Variants in EGFLAM observed in about 807,000 individuals in gnomAD.
EGFLAM encodes pikachurin.
EGFLAM carries 79 observed loss-of-function variants against 113.1 expected under a neutral mutation model. That is an observed-to-expected ratio of 0.70 (90% CI 0.58 to 0.84). The LOEUF is 0.84. Ranked by LOEUF, EGFLAM falls within the 40% of genes least tolerant of loss-of-function variation. EGFLAM has a pLI of 0.00. For missense variants in EGFLAM, 1,265 were observed against 1,291.6 expected, an observed-to-expected ratio of 0.98 and a Z score of 0.32; for synonymous variants, 504 against 487.6, an observed-to-expected ratio of 1.03 and a Z score of -0.44.
At chr5:38,281,612 C>G (rs965688111) in intron 1 of EGFLAM, among the ~76,000 whole-genome samples, 5 of 152,120 alleles carry the variant, frequency 3.3e-5, no homozygotes, top group Admixed American at 3.3e-4. Context: ...AGCCATATGT[C>G]TTTTGTGGAA....
At chr5:38,300,636 A>C (rs916533997) in intron 1 of EGFLAM, among the ~76,000 whole-genome samples, 27 of 152,186 alleles carry the variant, frequency 1.8e-4, no homozygotes, top group Non-Finnish European at 2.9e-5. Context: ...TGGCTTCCCA[A>C]AATGCTGGGA....
chr5:38,462,284 C>G (rs1743307766), intron 20 of EGFLAM, among the ~76,000 whole-genome samples: 1 of 152,176 alleles, frequency 6.6e-6, no homozygotes, highest in Non-Finnish European at 1.5e-5. Context: ...TCCCAGCTCC[C>G]CATGGCTTCC....
intron 6 of EGFLAM, among the ~76,000 whole-genome samples, chr5:38,387,833 A>G (rs2112079464): frequency 6.6e-6 from 1 of 152,368 alleles, no homozygotes; most frequent in East Asian, 1.9e-4. Context: ...CTCCTGTCAC[A>G]GGCTGTCTAT....
chr5:38,460,605 G>A (rs1055448795), intron 20 of EGFLAM, among the ~76,000 whole-genome samples: 1 of 152,180 alleles, frequency 6.6e-6, no homozygotes, highest in African/African-American at 2.4e-5. Flanking sequence ...GGATACCTCT[G>A]CTGGTGGGTC....
At chr5:38,392,581 A>T (rs1270560858) in intron 6 of EGFLAM, among the ~76,000 whole-genome samples, 1 of 149,328 alleles carries the variant, frequency 6.7e-6, no homozygotes, top group African/African-American at 2.5e-5. Flanking sequence ...CCAACAGTGT[A>T]TGTGTTCCCT....
chr5:38,355,224 A>G (rs1739735645), intron 5 of EGFLAM, among the ~76,000 whole-genome samples: 1 of 152,210 alleles, frequency 6.6e-6, no homozygotes, highest in South Asian at 2.1e-4. Flanking sequence ...GATCTCTCTG[A>G]AACCCACAGA....
At chr5:38,420,070 A>G (rs916118973) in intron 12 of EGFLAM, among the ~76,000 whole-genome samples, 3 of 152,236 alleles carry the variant, frequency 2.0e-5, no homozygotes, top group East Asian at 3.9e-4. Context: ...CAAAAAACCA[A>G]TGGTACAGAA....
At chr5:38,343,437 G>A (rs918072211) in intron 3 of EGFLAM, among the ~76,000 whole-genome samples, 4 of 150,210 alleles carry the variant, frequency 2.7e-5, no homozygotes, top group Admixed American at 2.7e-4. Context: ...TGAGGGGATG[G>A]ACTAGCAATG....
rs367971697 is a variant in EGFLAM at position 38,412,504 on chromosome 5, G to A, written c.1350G>A (p.Arg450=). ...TTCTTTTCCTTTTCCTCCCCAACAG[G>A]TTTAATTGTGGAACTGGGGTTGCCA... The part of the protein sequence containing the change: ...LAIIRRSLQF[R]FNCGTGVAII... Residue 450 remains arginine, a splice_region_variant and synonymous_variant, in exon 11 of 22, where the codon AGG becomes AGA. Coordinates refer to ENST00000322350, the MANE Select transcript of EGFLAM (RefSeq NM_152403.4). The A allele has an allele frequency of 5.0e-6, 8 of 1,614,142 alleles. No individual in the cohort carries two copies. The highest frequency in any genetic ancestry group is 6.8e-6 in the Non-Finnish European group (8 of 1,180,012).
chr5:38,396,157 A>G (rs530148536), intron 6 of EGFLAM, among the ~76,000 whole-genome samples: 28 of 152,046 alleles, frequency 1.8e-4, no homozygotes, highest in African/African-American at 6.5e-4. Flanking sequence ...TTTTCTGAAC[A>G]TAATGTTGTC....
intron 1 of EGFLAM, among the ~76,000 whole-genome samples, chr5:38,283,582 G>A (rs143645884): frequency 4.7e-4 from 72 of 152,250 alleles, no homozygotes; most frequent in African/African-American, 1.7e-3. Flanking sequence ...GGGGCTAACT[G>A]TCCAACCCTG....
chr5:38,460,310 ACT>A (rs1213476398), intron 20 of EGFLAM, among the ~76,000 whole-genome samples: 1 of 152,182 alleles, frequency 6.6e-6, no homozygotes, highest in Admixed American at 6.5e-5. Flanking sequence ...ATCAAGATAC[ACT>A]CTGGTGAGGA....
At chr5:38,387,334 C>T (rs576707346) in intron 6 of EGFLAM, among the ~76,000 whole-genome samples, 34 of 152,316 alleles carry the variant, frequency 2.2e-4, no homozygotes, top group Middle Eastern at 3.4e-3. Context: ...CCACTCCCTG[C>T]CAACCCCTTG....
rs565403689 is a variant in EGFLAM, at chr5:38,279,136, A to T, written c.97+20285A>T. Among the ~76,000 whole-genome samples the T allele has an allele frequency of 1.2e-4, 18 of 152,318 alleles. No homozygotes were observed. In the South Asian group the frequency reaches 3.5e-3, roughly 30 times the overall value. On this transcript the variant is annotated intron_variant, in intron 1 of 21. Transcript: ENST00000322350. ...AAAATGCTCAATAATATCACTAATC[A>T]TCAGAGAAACGCAAATCAAAATTAC...
Position 38,323,141 on chromosome 5 carries a change from C to T in EGFLAM, c.98-14379C>T, listed in dbSNP as rs564762268. Among the ~76,000 whole-genome samples the T allele has an allele frequency of 2.0e-5, 3 of 152,280 alleles. No homozygotes were observed. In the East Asian group the frequency reaches 5.8e-4, roughly 29 times the overall value. On this transcript the variant is annotated intron_variant, in intron 1 of 21. Coordinates refer to ENST00000322350, the MANE Select transcript of EGFLAM (RefSeq NM_152403.4). Reference sequence around the variant, plus strand: ...ATCAGTGAATGTAACTTGGTTCTTTCTGTGAAAATCAAATAACTAAAAAGC... The same window carrying T: ...ATCAGTGAATGTAACTTGGTTCTTTTTGTGAAAATCAAATAACTAAAAAGC...
At chr5:38,394,711 C>CTT (rs11451294) in intron 6 of EGFLAM, among the ~76,000 whole-genome samples, 27,547 of 121,546 alleles carry the variant, frequency 0.23, 3,532 homozygotes, top group Middle Eastern at 0.25. Flanking sequence ...GCCGGGCCCA[C>CTT]TTTTTTTTTT....
chr5:38,264,473 T>C (rs1190001539), intron 1 of EGFLAM, among the ~76,000 whole-genome samples: 1 of 152,164 alleles, frequency 6.6e-6, no homozygotes, highest in Non-Finnish European at 1.5e-5. Flanking sequence ...ATCTTGTTGG[T>C]TGCTGGTAGA....
intron 3 of EGFLAM, chr5:38,345,984 C>T (rs1739463480): frequency 6.6e-6 from 1 of 152,158 alleles, no homozygotes; most frequent in African/African-American, 2.4e-5. Context: ...GAATTCAACA[C>T]GTTTCTGTGG....
intron 4 of EGFLAM, among the ~76,000 whole-genome samples, chr5:38,350,830 A>T (rs1739601988): frequency 1.3e-5 from 2 of 152,306 alleles, no homozygotes; most frequent in African/African-American, 4.8e-5. Context: ...GCAGAGTGTG[A>T]TAGATGCTCC....
Sources: gnomAD v4.1 joint callset for allele counts (sites outside exome capture counted in the v4.1 genomes callset) on GRCh38, gnomAD v4.1.1 for gene constraint, MANE v1.5 for transcripts, NCBI Gene and HGNC (gene_info 2026-07-23, HGNC 2026-07-21) for gene names.